ZNF827: variants seen among roughly 807,000 people sequenced by gnomAD.
The protein encoded by ZNF827 is zinc finger protein 827.
A neutral mutation model predicts 102.4 loss-of-function variants in ZNF827; 13 were observed. The observed-to-expected ratio is 0.13, with a 90% CI of 0.08 to 0.20. The LOEUF is 0.20. Ranked by LOEUF, ZNF827 falls within the 10% of genes least tolerant of loss-of-function variation. The probability of loss-of-function intolerance (pLI) is 1.00; values close to 1 mark genes in which losing one functional copy is unlikely to be tolerated. For missense variants in ZNF827, 1,103 were observed against 1,344.4 expected (o/e 0.82, Z 2.81); for synonymous variants, 523 against 536.2 (o/e 0.98, Z 0.34).
intron 2 of ZNF827, among the ~76,000 whole-genome samples, chr4:145,901,609 TAGG>T (rs1334749706): frequency 2.0e-5 from 3 of 152,220 alleles, no homozygotes; most frequent in Admixed American, 6.5e-5. Context: ...CAAGAAATTG[TAGG>T]AGAATAGGAT....
intron 8 of ZNF827, among the ~76,000 whole-genome samples, chr4:145,799,734 C>T: frequency 6.6e-6 from 1 of 152,190 alleles, no homozygotes; most frequent in East Asian, 1.9e-4. Context: ...TTCTAGACAA[C>T]AGTGTGACCA....
chr4:145,883,321 C>T (rs1319239918), intron 4 of ZNF827, among the ~76,000 whole-genome samples: 1 of 152,118 alleles, frequency 6.6e-6, no homozygotes, highest in African/African-American at 2.4e-5. Context: ...ATAGTGTGTG[C>T]ATTTGTTATC....
At chr4:145,801,210 T>C (rs1427544243) in intron 8 of ZNF827, among the ~76,000 whole-genome samples, 2 of 152,220 alleles carry the variant, frequency 1.3e-5, no homozygotes, top group Non-Finnish European at 2.9e-5. Context: ...GAATCTCTAA[T>C]GGTAGTAGGG....
intron 3 of ZNF827, among the ~76,000 whole-genome samples, chr4:145,886,520 G>C (rs890329415): frequency 6.6e-6 from 1 of 152,212 alleles, no homozygotes; most frequent in African/African-American, 2.4e-5. Flanking sequence ...GGGATCAAAA[G>C]AGGTAACCTG....
chr4:145,817,635 T>C (rs1742716750), intron 8 of ZNF827, among the ~76,000 whole-genome samples: 1 of 152,140 alleles, frequency 6.6e-6, no homozygotes, highest in Admixed American at 6.5e-5. Flanking sequence ...ATCACCATGA[T>C]CTAAACACAC....
At chr4:145,841,246 C>G (rs1405229815) in intron 7 of ZNF827, among the ~76,000 whole-genome samples, 2 of 152,228 alleles carry the variant, frequency 1.3e-5, no homozygotes, top group African/African-American at 4.8e-5. Context: ...CAGGAGCTAT[C>G]TGATTCTTAC....
At chr4:145,776,495 A>G (rs1737120923) in intron 9 of ZNF827, among the ~76,000 whole-genome samples, 1 of 151,596 alleles carries the variant, frequency 6.6e-6, no homozygotes, top group Non-Finnish European at 1.5e-5. Context: ...TCCCAGGGCA[A>G]CTAGAATAGA....
rs75847456 is a variant in ZNF827 at position 145,855,293 on chromosome 4, C to T, written c.1982-5732G>A. ...ATGCCATGCTGACACCATTCACTTT[C>T]TAGAGTGATAGGCTTTTCAATGGGA... On this transcript the variant is annotated intron_variant, in intron 5 of 14. Coordinates refer to ENST00000508784, the MANE Select transcript of ZNF827 (RefSeq NM_001306215.2). Among the ~76,000 whole-genome samples the T allele has an allele frequency of 7.6e-3, 1,152 of 152,330 alleles. 9 individuals are homozygous for T. The highest frequency in any genetic ancestry group is 0.026 in the African/African-American group (1,087 of 41,578).
At position 145,763,290 on chromosome 4, in the gene ZNF827, CAA is replaced by C. The variant is rs961045912; in HGVS notation, c.3231-170_3231-169del. 1.3e-5 allele frequency among the ~76,000 whole-genome samples: 2 copies of C among 152,234 alleles called. No individual in the cohort carries two copies. Among genetic ancestry groups the C allele is most frequent in the Non-Finnish European group, 2.9e-5 (2 of 68,048 alleles). On this transcript the variant is annotated intron_variant, in intron 13 of 14. Coordinates refer to ENST00000508784, the MANE Select transcript of ZNF827 (RefSeq NM_001306215.2). This position sits in a 1 kb window ranked among gnomAD's most constrained non-coding sequence, Gnocchi z 4.6. ...CTCAATCTTTCTTTCACTGCTCAGG[CAA>C]AGTGCTAAGGGTTTTCCGTGCTCCC...
chr4:145,759,525 C>T lies in ZNF827; in HGVS notation c.*2091G>A, dbSNP rs1241337682. On this transcript the variant is annotated 3_prime_UTR_variant, in exon 15 of 15. Coordinates refer to ENST00000508784, the MANE Select transcript of ZNF827 (RefSeq NM_001306215.2). ...AGGATACCACGATTAGCCAGAAGAT[C>T]GGCAAAACACAATGGAAACTTGTCA... The T allele has an allele frequency of 1.3e-5, 2 of 152,254 alleles. No homozygotes were observed. Among genetic ancestry groups the T allele is most frequent in the East Asian group, 1.9e-4 (1 of 5,188 alleles). The allele number at this position is 152,254 out of a possible 1,614,324, so 9.4% of individuals were successfully genotyped here. A position where few individuals can be genotyped will look rare whatever the true frequency, so the allele number is the denominator to read the frequency against.
chr4:145,779,065 C>A (rs1380597053), intron 9 of ZNF827, among the ~76,000 whole-genome samples: 2 of 151,774 alleles, frequency 1.3e-5, no homozygotes, highest in African/African-American at 2.4e-5. Context: ...TGGAGTGTGT[C>A]CCCCTGTCCT....
intron 5 of ZNF827, among the ~76,000 whole-genome samples, chr4:145,849,790 C>T (rs1228291426): frequency 6.6e-6 from 1 of 152,136 alleles, no homozygotes; most frequent in Non-Finnish European, 1.5e-5. Context: ...GAGGCTTGTT[C>T]GAGATCACAG....
intron 8 of ZNF827, among the ~76,000 whole-genome samples, chr4:145,797,593 G>T (rs1363019474): frequency 6.6e-6 from 1 of 152,122 alleles, no homozygotes; most frequent in Non-Finnish European, 1.5e-5. Context: ...ATTCCCATCT[G>T]CTCCTTCTCT....
intron 7 of ZNF827, chr4:145,839,418 A>T (rs1371228262): frequency 1.3e-5 from 2 of 152,256 alleles, no homozygotes; most frequent in South Asian, 2.1e-4. Context: ...ATCTGACTTT[A>T]TACACAAACA....
chr4:145,809,438 T>C (rs1354886675), intron 8 of ZNF827, among the ~76,000 whole-genome samples: 1 of 152,032 alleles, frequency 6.6e-6, no homozygotes, highest in Non-Finnish European at 1.5e-5. Context: ...GAAACAATGA[T>C]GATAATAGTC....
At chr4:145,932,038 C>T (rs1579600629) in intron 1 of ZNF827, among the ~76,000 whole-genome samples, 1 of 152,062 alleles carries the variant, frequency 6.6e-6, no homozygotes. Flanking sequence ...AAAAGGGGCC[C>T]TAGGGAGCTT....
intron 6 of ZNF827, 118 bp downstream of exon 6, chr4:145,849,204 A>G: frequency 7.4e-7 from 1 of 1,343,878 alleles, no homozygotes; most frequent in Non-Finnish European, 9.9e-7. Flanking sequence ...AAGCAACAAA[A>G]TTGATTTCTG....
chr4:145,797,501 C>A (rs1307385661), intron 8 of ZNF827, among the ~76,000 whole-genome samples: 7 of 152,200 alleles, frequency 4.6e-5, no homozygotes, highest in African/African-American at 1.7e-4. Flanking sequence ...TGTGAAATCT[C>A]CCCTACTCAC....
chr4:145,878,139 T>C (rs193086686), intron 4 of ZNF827, among the ~76,000 whole-genome samples: 3 of 152,316 alleles, frequency 2.0e-5, no homozygotes, highest in South Asian at 4.2e-4. Context: ...ATTTTTGTCA[T>C]TGTGGATCAC....
Sources: allele counts gnomAD v4.1 joint callset (sites outside exome capture counted in the v4.1 genomes callset), GRCh38; gene constraint gnomAD v4.1.1; non-coding constraint Gnocchi (gnomAD v3.1); transcripts MANE v1.5; gene names NCBI Gene and HGNC (gene_info 2026-07-23, HGNC 2026-07-21).